The following LIMS3 variants were observed in gnomAD, a reference collection of about 807,000 sequenced individuals.
LIMS3 encodes LIM zinc finger domain containing 3.
intron 8 of LIMS3, among the ~76,000 whole-genome samples, chr2:109,923,958 C>T (rs1210787705): frequency 1.3e-4 from 3 of 22,414 alleles, no homozygotes; most frequent in African/African-American, 9.1e-4. Context: ...TCGCTTGAAC[C>T]CAGGAGGCGG....
chr2:109,912,885 A>T (rs1677001875), intron 2 of LIMS3, among the ~76,000 whole-genome samples: 1 of 152,310 alleles, frequency 6.6e-6, no homozygotes, highest in Non-Finnish European at 1.5e-5. Context: ...TCTACTAAAA[A>T]TACAAAAATT....
At chr2:109,918,204 G>A (rs1211284651) in intron 5 of LIMS3, among the ~76,000 whole-genome samples, 1 of 152,180 alleles carries the variant, frequency 6.6e-6, no homozygotes, top group Non-Finnish European at 1.5e-5. Context: ...CAGGCGTGGT[G>A]GTGGGTGCCT....
chr2:109,913,038 G>GAAAAA (rs1187204657), intron 2 of LIMS3, among the ~76,000 whole-genome samples: 1 of 115,368 alleles, frequency 8.7e-6, no homozygotes, highest in Non-Finnish European at 1.8e-5. Flanking sequence ...GCGGGACTGG[G>GAAAAA]AAAAAAAAAA....
intron 5 of LIMS3, among the ~76,000 whole-genome samples, chr2:109,918,208 G>A (rs1319455635): frequency 6.6e-6 from 1 of 152,170 alleles, no homozygotes; most frequent in African/African-American, 2.4e-5. Context: ...CGTGGTGGTG[G>A]GTGCCTGTAG....
At chr2:109,923,991 C>T (rs1320198503) in intron 8 of LIMS3, among the ~76,000 whole-genome samples, 3 of 36,294 alleles carry the variant, frequency 8.3e-5, no homozygotes, top group Admixed American at 2.7e-4. Context: ...GCTGTGATTG[C>T]GCCACTGCAC....
chr2:109,924,140 C>T (rs1677075397), intron 8 of LIMS3, among the ~76,000 whole-genome samples: 1 of 23,052 alleles, frequency 4.3e-5, no homozygotes, highest in Non-Finnish European at 7.1e-5. Flanking sequence ...GAGGTTGGGG[C>T]TACAGTGAGC....
At chr2:109,912,684 CA>C (rs1676994506) in intron 2 of LIMS3, among the ~76,000 whole-genome samples, 1 of 105,244 alleles carries the variant, frequency 9.5e-6, no homozygotes, top group Non-Finnish European at 1.9e-5. Flanking sequence ...GCCTGAACAA[CA>C]TAGCAAGACC....
Position 109,924,019 on chromosome 2 carries a change from G to A in LIMS3, c.974-329G>A, listed in dbSNP as rs1454748085. Among the ~76,000 whole-genome samples, 235 of 51,824 alleles carry A rather than the reference G, an allele frequency of 4.5e-3. 19 individuals carry two copies. The highest frequency in any genetic ancestry group is 0.025 in the African/African-American group (219 of 8,614). 34.0% of individuals were successfully genotyped at this position (51,824 alleles called of 152,430 possible). A position where few individuals can be genotyped will look rare whatever the true frequency, so the allele number is the denominator to read the frequency against. ...CACTGCACTCCAGCCTGGCAACAGA[G>A]CGAGACTCTGTCTCAAAAAAAAAAA... is the stretch of plus-strand genomic sequence containing the variant. On this transcript the variant is annotated intron_variant, in intron 8 of 9. Coordinates refer to ENST00000480744, the MANE Select transcript of LIMS3 (RefSeq NM_001394901.1).
chr2:109,924,056 T>G (rs1574002901), intron 8 of LIMS3, among the ~76,000 whole-genome samples: 1 of 72,798 alleles, frequency 1.4e-5, no homozygotes, highest in Non-Finnish European at 2.6e-5. Context: ...AAAAAAAAAT[T>G]AGCCAGGTAT....
intron 5 of LIMS3, among the ~76,000 whole-genome samples, chr2:109,918,336 C>CAAA (rs779481865): frequency 3.5e-4 from 10 of 28,256 alleles, no homozygotes; most frequent in African/African-American, 1.8e-3. Context: ...AGACTCGTCT[C>CAAA]AAAAAAAAAA....
intron 2 of LIMS3, among the ~76,000 whole-genome samples, chr2:109,912,904 A>G (rs1224888049): frequency 6.6e-6 from 1 of 152,298 alleles, no homozygotes; most frequent in Non-Finnish European, 1.5e-5. Context: ...TTAGCTGGAC[A>G]TGGTGGCGGG....
intron 5 of LIMS3, among the ~76,000 whole-genome samples, chr2:109,918,354 A>AG (rs1677059008): frequency 2.9e-5 from 2 of 69,466 alleles, no homozygotes; most frequent in Non-Finnish European, 5.8e-5. Context: ...AAAAAAAAAA[A>AG]AGAAAGAAAG....
chr2:109,914,312 CTT>C (rs1677029203), intron 2 of LIMS3, 97 bp from the exon 3 acceptor site: 1 of 628,804 alleles, frequency 1.6e-6, no homozygotes. Flanking sequence ...GAGTAGAACT[CTT>C]AGTTTAGAAA....
At chr2:109,918,350 A>AG in intron 5 of LIMS3, among the ~76,000 whole-genome samples, 1 of 101,850 alleles carries the variant, frequency 9.8e-6, no homozygotes, top group Non-Finnish European at 2.0e-5. Flanking sequence ...AAAAAAAAAA[A>AG]AAAAAGAAAG....
chr2:109,914,273 T>TA, intron 2 of LIMS3, 138 bp from the exon 3 acceptor site: 2 of 680,336 alleles, frequency 2.9e-6, no homozygotes, highest in African/African-American at 1.8e-5. Context: ...ATCTGCTTTT[T>TA]AAAATCCCAG....
intron 5 of LIMS3, among the ~76,000 whole-genome samples, chr2:109,918,347 A>AG (rs1677058008): frequency 2.0e-5 from 2 of 101,526 alleles, no homozygotes; most frequent in African/African-American, 7.4e-5. Context: ...AAAAAAAAAA[A>AG]AAAAAAAAGA....
chr2:109,913,224 TTAA>T (rs1677011578), intron 2 of LIMS3, among the ~76,000 whole-genome samples: 1 of 44,388 alleles, frequency 2.3e-5, no homozygotes, highest in Non-Finnish European at 4.8e-5. Context: ...AAAATGGATT[TTAA>T]TAATCAAACA....
At chr2:109,923,992 G>A (rs1363252995) in intron 8 of LIMS3, among the ~76,000 whole-genome samples, 15 of 33,902 alleles carry the variant, frequency 4.4e-4, no homozygotes, top group East Asian at 3.7e-3. Context: ...CTGTGATTGC[G>A]CCACTGCACT....
At position 109,924,095 on chromosome 2, in the gene LIMS3, C is replaced by T. The variant is rs1271967846; in HGVS notation, c.974-253C>T. ...GGCATGCACTGTAGTCCCAGCTACT[C>T]AGGAGGCTGAGGTGGGAGGATCACT... On this transcript the variant is annotated intron_variant, in intron 8 of 9. Transcript: ENST00000480744. Among the ~76,000 whole-genome samples, 2 of 46,894 alleles carry T rather than the reference C, an allele frequency of 4.3e-5. 1 individual carries two copies. The highest frequency in any genetic ancestry group is 2.5e-4 in the African/African-American group (2 of 8,112). The allele number at this position is 46,894 out of a possible 152,430, so 30.8% of individuals were successfully genotyped here.
Sources: allele counts gnomAD v4.1 joint callset (sites outside exome capture counted in the v4.1 genomes callset), GRCh38; gene constraint gnomAD v4.1.1; transcripts MANE v1.5; gene names NCBI Gene and HGNC (gene_info 2026-07-23, HGNC 2026-07-21).